Variants in TLK1 observed in about 807,000 individuals in gnomAD.
TLK1 encodes the protein serine/threonine-protein kinase tousled-like 1.
TLK1 carries 24 observed loss-of-function variants against 105.3 expected under a neutral mutation model. The observed-to-expected ratio is 0.23, with a 90% CI of 0.17 to 0.32. TLK1 has a LOEUF of 0.32. TLK1 is among the 10% of genes least tolerant of loss of function. The probability of loss-of-function intolerance (pLI) is 1.00; values close to 1 mark genes in which losing one functional copy is unlikely to be tolerated. For missense variants in TLK1, 558 were observed against 910.5 expected (o/e 0.61, Z 4.98); for synonymous variants, 321 against 310.4 (o/e 1.03, Z -0.36).
At chr2:171,199,383 C>G (rs1693354997) in intron 1 of TLK1, among the ~76,000 whole-genome samples, 1 of 152,100 alleles carries the variant, frequency 6.6e-6, no homozygotes, top group Non-Finnish European at 1.5e-5. Flanking sequence ...TGGTGGCATG[C>G]ACCTGTAATC....
At chr2:171,038,909 T>A (rs780996118) in intron 11 of TLK1, among the ~76,000 whole-genome samples, 1 of 152,196 alleles carries the variant, frequency 6.6e-6, no homozygotes, top group Non-Finnish European at 1.5e-5. Flanking sequence ...ATCTACATGT[T>A]CTATTTCTAA....
At chr2:171,010,258 G>A (rs1395766819) in intron 14 of TLK1, among the ~76,000 whole-genome samples, 1 of 152,118 alleles carries the variant, frequency 6.6e-6, no homozygotes. Flanking sequence ...AAGAGCATAC[G>A]ATGGTTTTTG....
intron 1 of TLK1, among the ~76,000 whole-genome samples, chr2:171,124,962 T>C (rs1349553587): frequency 1.3e-5 from 2 of 152,236 alleles, no homozygotes; most frequent in Non-Finnish European, 2.9e-5. Flanking sequence ...TCATTTGCCT[T>C]GTTTTTTAAT....
intron 1 of TLK1, among the ~76,000 whole-genome samples, chr2:171,149,940 GAACA>G (rs1385391595): frequency 2.6e-5 from 4 of 151,360 alleles, no homozygotes; most frequent in Non-Finnish European, 5.9e-5. Context: ...AAGAAAGAAA[GAACA>G]AACGAACGAA....
chr2:171,000,123 A>G, intron 18 of TLK1, among the ~76,000 whole-genome samples: 1 of 152,080 alleles, frequency 6.6e-6, no homozygotes, highest in East Asian at 1.9e-4. Context: ...CATGCCTGTA[A>G]TCCCAGCACT....
Position 171,082,852 on chromosome 2 carries a change from C to A in TLK1, c.259G>T (p.Ala87Ser). 1 of 1,600,270 alleles carries A rather than the reference C, an allele frequency of 6.2e-7. No individual in the cohort carries two copies. Among genetic ancestry groups the A allele is most frequent in the Non-Finnish European group, 8.5e-7 (1 of 1,175,510 alleles). ...TTAGAGCTTTCGTTATTTGTTGAGGCCTGTTAAAGATTTTTTAAAAGGTAA... is the reference window on the plus strand; with the variant it reads ...TTAGAGCTTTCGTTATTTGTTGAGGACTGTTAAAGATTTTTTAAAAGGTAA... ...STGSCSVGAK[A>S]STNNESSNHS... The change falls in exon 3 of 21, where the codon GCC becomes TCC. Residue 87 changes from alanine to serine, a missense_variant and splice_region_variant. Ala to Ser is a moderately conservative substitution (Grantham distance 99, BLOSUM62 1). Coordinates refer to ENST00000431350, the MANE Select transcript of TLK1 (RefSeq NM_012290.5).
At chr2:171,078,366 C>T (rs748220286) in intron 3 of TLK1, among the ~76,000 whole-genome samples, 5 of 152,088 alleles carry the variant, frequency 3.3e-5, no homozygotes, top group South Asian at 4.2e-4. Flanking sequence ...AGTGAAACCC[C>T]GTCTCTACTA....
chr2:171,230,722 A>T (rs1353372015), intron 1 of TLK1, among the ~76,000 whole-genome samples: 4 of 152,232 alleles, frequency 2.6e-5, no homozygotes, highest in African/African-American at 9.6e-5. Flanking sequence ...ATCAGGCAAC[A>T]GACCTACTAC....
Position 171,068,048 on chromosome 2 carries a change from C to T in TLK1, c.331-6892G>A, listed in dbSNP as rs536854060. Among the ~76,000 whole-genome samples, 9 of 152,102 alleles carry T rather than the reference C, an allele frequency of 5.9e-5. No individual in the cohort carries two copies. In the East Asian group the frequency reaches 1.5e-3, roughly 26 times the overall value. On this transcript the variant is annotated intron_variant, in intron 3 of 20. Coordinates refer to ENST00000431350, the MANE Select transcript of TLK1 (RefSeq NM_012290.5). Reference sequence around the variant, plus strand: ...TTTTTTCCTGAGACATGGGATCAGCCGGGCATGGTGGCTCAAGCCTGTAAT... The same window carrying T: ...TTTTTTCCTGAGACATGGGATCAGCTGGGCATGGTGGCTCAAGCCTGTAAT...
intron 2 of TLK1, among the ~76,000 whole-genome samples, chr2:171,089,222 A>G (rs1036006629): frequency 1.3e-5 from 2 of 152,214 alleles, no homozygotes; most frequent in African/African-American, 4.8e-5. Context: ...AATTCTTTCC[A>G]TATTCAGGAC....
chr2:171,198,892 T>G (rs1693328013), intron 1 of TLK1, among the ~76,000 whole-genome samples: 1 of 152,206 alleles, frequency 6.6e-6, no homozygotes. Flanking sequence ...TATAAGTACT[T>G]TATTTAATAG....
At chr2:171,102,830 G>A (rs1367280799) in intron 2 of TLK1, among the ~76,000 whole-genome samples, 2 of 152,022 alleles carry the variant, frequency 1.3e-5, no homozygotes, top group Non-Finnish European at 2.9e-5. Context: ...ATACAGCAGT[G>A]AAAAAAACAG....
At chr2:171,098,524 T>C (rs1689550314) in intron 2 of TLK1, among the ~76,000 whole-genome samples, 1 of 152,194 alleles carries the variant, frequency 6.6e-6, no homozygotes, top group African/African-American at 2.4e-5. Flanking sequence ...CAGGCCTAGA[T>C]GGTTTCACTG....
At chr2:171,090,032 A>G (rs879301877) in intron 2 of TLK1, among the ~76,000 whole-genome samples, 1 of 152,176 alleles carries the variant, frequency 6.6e-6, no homozygotes, top group Non-Finnish European at 1.5e-5. Context: ...CTGAAGCTAC[A>G]AATCGATTTA....
chr2:171,080,893 G>T (rs1688721936), intron 3 of TLK1, among the ~76,000 whole-genome samples: 1 of 151,862 alleles, frequency 6.6e-6, no homozygotes, highest in Admixed American at 6.6e-5. Context: ...GTTTCTTGTA[G>T]AAATGGGGCT....
At chr2:171,090,293 A>C (rs952336468) in intron 2 of TLK1, among the ~76,000 whole-genome samples, 7 of 152,130 alleles carry the variant, frequency 4.6e-5, no homozygotes, top group Admixed American at 6.5e-5. Context: ...TTTGTTGTTG[A>C]TATGCAGAAA....
chr2:171,009,914 G>A (rs1230958829), intron 14 of TLK1, among the ~76,000 whole-genome samples: 2 of 152,170 alleles, frequency 1.3e-5, no homozygotes, highest in East Asian at 3.8e-4. Flanking sequence ...AAGATGCAGA[G>A]GGTCAGGGAA....
chr2:171,206,304 G>A (rs567301520), intron 1 of TLK1, among the ~76,000 whole-genome samples: 2 of 152,266 alleles, frequency 1.3e-5, no homozygotes, highest in African/African-American at 4.8e-5. Flanking sequence ...TATGGCATGC[G>A]TTTGTCTCTA....
chr2:171,046,041 T>C (rs1004934473), intron 11 of TLK1, 133 bp downstream of exon 11: 1 of 756,624 alleles, frequency 1.3e-6, no homozygotes, highest in Non-Finnish European at 2.0e-6. Flanking sequence ...AGAGCTAAAT[T>C]TTCAATACTG....
Sources: allele counts gnomAD v4.1 joint callset (sites outside exome capture counted in the v4.1 genomes callset), GRCh38; gene constraint gnomAD v4.1.1; transcripts MANE v1.5; gene names NCBI Gene and HGNC (gene_info 2026-07-23, HGNC 2026-07-21).